The following GALK2 variants were observed in gnomAD, a reference collection of about 807,000 sequenced individuals.
The protein encoded by GALK2 is N-acetylgalactosamine kinase.
In GALK2, 36 loss-of-function variants were observed where a neutral mutation model predicts 52.4. The observed-to-expected ratio is 0.69, with a 90% CI of 0.53 to 0.91. GALK2 has a LOEUF of 0.91. Among genes scored for constraint, GALK2 ranks in the 40% least tolerant of loss-of-function variants. The pLI is 0.00. For missense variants in GALK2, 579 were observed against 559.1 expected (o/e 1.04, Z -0.36); for synonymous variants, 176 against 199.1 (o/e 0.88, Z 0.98).
At chr15:49,259,909 C>T (rs1422447390) in intron 5 of GALK2, among the ~76,000 whole-genome samples, 1 of 151,864 alleles carries the variant, frequency 6.6e-6, no homozygotes, top group African/African-American at 2.4e-5. Context: ...AGGATATGAA[C>T]TCATCATTTT....
intron 5 of GALK2, among the ~76,000 whole-genome samples, chr15:49,246,449 G>C (rs2091355992): frequency 1.3e-5 from 2 of 152,138 alleles, no homozygotes. Flanking sequence ...ACCCACTTTG[G>C]AGGATCTGGG....
intron 3 of GALK2, chr15:49,365,717 C>T: frequency 1.1e-6 from 1 of 897,242 alleles, no homozygotes; most frequent in South Asian, 1.3e-5. Context: ...AGACAGAAAG[C>T]AATCTCCAAG....
At chr15:49,274,111 C>T (rs888640329) in intron 5 of GALK2, among the ~76,000 whole-genome samples, 1 of 152,144 alleles carries the variant, frequency 6.6e-6, no homozygotes, top group African/African-American at 2.4e-5. Context: ...GCAGAGAGCA[C>T]CGGAGCCTGT....
chr15:49,201,879 G>A (rs2087810011), intron 2 of GALK2, among the ~76,000 whole-genome samples: 1 of 151,838 alleles, frequency 6.6e-6, no homozygotes, highest in Non-Finnish European at 1.5e-5. Context: ...ATTTTCTGCT[G>A]GTATAACAGA....
intron 3 of GALK2, among the ~76,000 whole-genome samples, chr15:49,222,942 A>C (rs930471174): frequency 6.6e-6 from 1 of 152,138 alleles, no homozygotes; most frequent in Admixed American, 6.6e-5. Context: ...ATTCATTGGA[A>C]TTGTTTGAAG....
intron 1 of GALK2, among the ~76,000 whole-genome samples, chr15:49,158,635 C>T (rs996340152): frequency 1.1e-4 from 16 of 151,994 alleles, no homozygotes; most frequent in African/African-American, 3.6e-4. Flanking sequence ...TAAAAAAATA[C>T]TATTACACAA....
intron 1 of GALK2, among the ~76,000 whole-genome samples, chr15:49,187,920 G>A (rs2086474349): frequency 6.6e-6 from 1 of 152,008 alleles, no homozygotes; most frequent in Admixed American, 6.6e-5. Context: ...GTCCTTGGGT[G>A]GTCTGCATCA....
chr15:49,309,128 G>A (rs1032179946), intron 8 of GALK2, among the ~76,000 whole-genome samples: 3 of 152,192 alleles, frequency 2.0e-5, no homozygotes, highest in African/African-American at 2.4e-5. Flanking sequence ...AAAGTGTCTA[G>A]ATTCCAATGT....
intron 5 of GALK2, among the ~76,000 whole-genome samples, chr15:49,263,825 A>T (rs1015593776): frequency 7.0e-6 from 1 of 142,946 alleles, no homozygotes; most frequent in Non-Finnish European, 1.5e-5. Context: ...TCCTTCACTT[A>T]TGAAGCTTAG....
At chr15:49,217,805 G>A (rs991322267) in intron 3 of GALK2, among the ~76,000 whole-genome samples, 2 of 152,128 alleles carry the variant, frequency 1.3e-5, no homozygotes. Context: ...AGAGTCTGGT[G>A]CCTAATAGAG....
At chr15:49,157,439 T>G (rs1332089705) in intron 1 of GALK2, among the ~76,000 whole-genome samples, 1 of 152,162 alleles carries the variant, frequency 6.6e-6, no homozygotes, top group East Asian at 1.9e-4. Context: ...TTGAATTGGT[T>G]TTAAGTATGG....
chr15:49,281,905 C>A, intron 5 of GALK2, 82 bp from the exon 6 acceptor site: 2 of 991,186 alleles, frequency 2.0e-6, no homozygotes, highest in Non-Finnish European at 3.1e-6. Context: ...GAATTCAAAC[C>A]TGTTTGTCAT....
intron 8 of GALK2, 104 bp from the exon 9 acceptor site, chr15:49,319,500 G>A (rs531972607): frequency 1.1e-6 from 1 of 894,868 alleles, no homozygotes; most frequent in Non-Finnish European, 1.7e-6. Context: ...TTAAGATACT[G>A]ATAATGAAAA....
intron 5 of GALK2, among the ~76,000 whole-genome samples, chr15:49,258,505 G>A (rs2091913550): frequency 6.6e-6 from 1 of 152,018 alleles, no homozygotes; most frequent in Admixed American, 6.6e-5. Context: ...AATCCTAACA[G>A]TGACACAATG....
In GALK2 at chr15:49,255,955, A is replaced by G. The variant is rs551084356; in HGVS notation, c.504+16588A>G. 2.0e-5 allele frequency among the ~76,000 whole-genome samples: 3 copies of G among 152,290 alleles called. No individual in the cohort carries two copies. In the East Asian group the frequency reaches 5.8e-4, roughly 29 times the overall value. On this transcript the variant is annotated intron_variant, in intron 5 of 9. Coordinates refer to ENST00000560031, the MANE Select transcript of GALK2 (RefSeq NM_002044.4). ...TTCATTGTTTTGTTTAGGAAACAAA[A>G]TGTACTAAGCTTGGAATAAACTGTT...
intron 3 of GALK2, among the ~76,000 whole-genome samples, chr15:49,348,035 A>C (rs1258951577): frequency 6.6e-6 from 1 of 151,802 alleles, no homozygotes; most frequent in Non-Finnish European, 1.5e-5. Context: ...AAAAAAAAAA[A>C]AAAAAAAGGC....
intron 8 of GALK2, among the ~76,000 whole-genome samples, chr15:49,298,640 G>C (rs922138335): frequency 3.3e-5 from 5 of 151,924 alleles, no homozygotes; most frequent in African/African-American, 1.2e-4. Flanking sequence ...GAATTTTATT[G>C]AAAGTCTTTA....
At chr15:49,226,239 C>T (rs1166858607) in intron 3 of GALK2, among the ~76,000 whole-genome samples, 1 of 152,156 alleles carries the variant, frequency 6.6e-6, no homozygotes, top group African/African-American at 2.4e-5. Context: ...CATAGGATCT[C>T]TTGTACCTAG....
Position 49,170,377 on chromosome 15 carries a change from TG to T in GALK2, c.53+7del. 1 of 1,588,038 alleles carries T rather than the reference TG, an allele frequency of 6.3e-7. No homozygotes were observed. Among genetic ancestry groups the T allele is most frequent in the Non-Finnish European group, 8.6e-7 (1 of 1,167,582 alleles). ...GGTCCAGGTGGCAGAACATCCTAGG[TG>T]GGGGAGAGGAGACGCCGGGCTTTGG... is the stretch of plus-strand genomic sequence containing the variant. On this transcript the variant is annotated splice_donor_region_variant and intron_variant, in intron 1 of 9. Coordinates refer to ENST00000560031, the MANE Select transcript of GALK2 (RefSeq NM_002044.4).
Sources: allele counts gnomAD v4.1 joint callset (sites outside exome capture counted in the v4.1 genomes callset), GRCh38; gene constraint gnomAD v4.1.1; transcripts MANE v1.5; gene names NCBI Gene and HGNC (gene_info 2026-07-23, HGNC 2026-07-21).